The following ZNF778 variants were observed in gnomAD, a reference collection of about 807,000 sequenced individuals.
ZNF778 encodes the protein zinc finger protein 778.
Under a neutral mutation model 23.9 loss-of-function variants are expected in ZNF778, and 37 were observed. The observed-to-expected ratio is 1.54, with a 90% CI of 1.19 to 2.03. The LOEUF (loss-of-function observed/expected upper bound fraction) is 2.03. Ranked by LOEUF, ZNF778 falls within the 30% of genes most tolerant of loss-of-function variation. The pLI, the probability that ZNF778 is intolerant of heterozygous loss-of-function variation, is 0.00. For synonymous variants in ZNF778, 483 were observed against 343.9 expected, an observed-to-expected ratio of 1.40 and a Z score of -4.48; for missense variants, 1,297 against 934.4, an observed-to-expected ratio of 1.39 and a Z score of -5.06.
chr16:89,223,318 A>C (rs756498509), intron 4 of ZNF778, 35 bp downstream of exon 4: 1 of 1,612,368 alleles, frequency 6.2e-7, no homozygotes, highest in Admixed American at 1.7e-5. Context: ...ACTTCTGTGG[A>C]ACCAATACTT....
chr16:89,225,665 A>G, intron 6 of ZNF778, 34 bp downstream of exon 6: 3 of 1,561,930 alleles, frequency 1.9e-6, no homozygotes, highest in Non-Finnish European at 2.6e-6. Context: ...TTTATTTATC[A>G]CACTCATAAA....
In ZNF778 at chr16:89,234,503, G is replaced by C. The variant is rs1263915521; in HGVS notation, c.*5941G>C. ...ACCTGGTCTTGTTTTTTCCTGGTTTGTTTGATCTTTGTTCTTTTTTAGAAA... is the reference window on the plus strand; with the variant it reads ...ACCTGGTCTTGTTTTTTCCTGGTTTCTTTGATCTTTGTTCTTTTTTAGAAA... On this transcript the variant is annotated 3_prime_UTR_variant, in exon 7 of 7. Transcript: ENST00000433976. 1.7e-5 allele frequency: 3 copies of C among 176,440 alleles called. No homozygotes were observed. The highest frequency in any genetic ancestry group is 4.8e-5 in the African/African-American group (2 of 41,736). 10.9% of individuals were successfully genotyped at this position (176,440 alleles called of 1,614,324 possible).
Position 89,221,065 on chromosome 16 carries a change from C to G in ZNF778, c.-63C>G, listed in dbSNP as rs972675838. The G allele has an allele frequency of 4.5e-5, 69 of 1,543,972 alleles. No homozygotes were observed. The highest frequency in any genetic ancestry group is 2.4e-5 in the East Asian group (1 of 41,062). On this transcript the variant is annotated 5_prime_UTR_variant, in exon 2 of 7. Coordinates refer to ENST00000433976, the MANE Select transcript of ZNF778 (RefSeq NM_001201407.2). ...TGTACCTTCCACATAGATTCACAAG[C>G]TGCCCTGCAGTGGCCTTGGCTTCAG...
chr16:89,229,305 G>C lies in ZNF778; in HGVS notation c.*743G>C. ...GTCTTGAGGATCCAGATGTGATTCT[G>C]TGAGCAGTGTAAGCTCTGGTTGGTT... On this transcript the variant is annotated 3_prime_UTR_variant, in exon 7 of 7. Coordinates refer to ENST00000433976, the MANE Select transcript of ZNF778 (RefSeq NM_001201407.2). The C allele has an allele frequency of 2.0e-6, 2 of 985,308 alleles. No individual in the cohort carries two copies. The highest frequency in any genetic ancestry group is 2.4e-6 in the Non-Finnish European group (2 of 829,990). 61.0% of individuals were successfully genotyped at this position (985,308 alleles called of 1,614,324 possible). A position where few individuals can be genotyped will look rare whatever the true frequency, so the allele number is the denominator to read the frequency against.
chr16:89,218,777 C>T (rs1420942485), intron 1 of ZNF778, among the ~76,000 whole-genome samples: 1 of 151,062 alleles, frequency 6.6e-6, no homozygotes, highest in East Asian at 2.0e-4. Context: ...GGCGACAGAG[C>T]GAGACTCCGT....
In ZNF778 at chr16:89,225,609, G is replaced by C. The variant is rs772145177; in HGVS notation, c.383G>C (p.Arg128Thr). Residue 128 changes from arginine (R) to threonine (T), a missense_variant, in exon 6 of 7, where the codon AGA (arginine) becomes ACA (threonine). By Grantham distance (71) the Arg-to-Thr change is moderately conservative (BLOSUM62 -1). Transcript: ENST00000433976. ...PALRQDRSWF[R>T]ASNETQTARS... ...CTTCGGCAGGATAGATCTTGGTTCA[G>C]AGCATCAAATGAGACACAGACGGTA... 8.1e-6 allele frequency: 13 copies of C among 1,612,538 alleles called. No homozygotes were observed. The South Asian group carries it at 1.2e-4, about 15-fold the overall frequency.
chr16:89,218,572 ACGAGG>A (rs2030588167), intron 1 of ZNF778, among the ~76,000 whole-genome samples: 2 of 151,388 alleles, frequency 1.3e-5, no homozygotes, highest in East Asian at 2.0e-4. Context: ...CGGGTGGATC[ACGAGG>A]TCAGGAGACC....
Position 89,230,164 on chromosome 16 carries a change from T to C in ZNF778, c.*1602T>C. ...AGCTCTACATTTTATGAAAATGCCCTTGTTCCTCTCCCATACCTGATCCCT... is the reference window on the plus strand; with the variant it reads ...AGCTCTACATTTTATGAAAATGCCCCTGTTCCTCTCCCATACCTGATCCCT... On this transcript the variant is annotated 3_prime_UTR_variant, in exon 7 of 7. Coordinates refer to ENST00000433976, the MANE Select transcript of ZNF778 (RefSeq NM_001201407.2). 1 of 562,244 alleles carries C rather than the reference T, an allele frequency of 1.8e-6. No homozygotes were observed. The highest frequency in any genetic ancestry group is 2.2e-6 in the Non-Finnish European group (1 of 444,626). The allele number at this position is 562,244 out of a possible 1,614,324, so 34.8% of individuals were successfully genotyped here.
At chr16:89,223,306 C>T in intron 4 of ZNF778, 23 bp downstream of exon 4, 1 of 1,613,052 alleles carries the variant, frequency 6.2e-7, no homozygotes, top group Non-Finnish European at 8.5e-7. Context: ...CCGTCCTTTG[C>T]AACTTCTGTG....
Position 89,233,708 on chromosome 16 carries a change from C to T in ZNF778, c.*5146C>T, listed in dbSNP as rs1470208926. ...TCAACTTACTGCATATGCAACTCAA[C>T]TCACTGCGTATGCAACTCAACTCGC... On this transcript the variant is annotated 3_prime_UTR_variant, in exon 7 of 7. Transcript: ENST00000433976. The T allele has an allele frequency of 5.1e-5, 64 of 1,251,428 alleles. No homozygotes were observed. The highest frequency in any genetic ancestry group is 6.4e-5 in the Non-Finnish European group (62 of 962,050). 77.5% of individuals were successfully genotyped at this position (1,251,428 alleles called of 1,614,324 possible).
rs1047924753 is a variant in ZNF778 at position 89,231,799 on chromosome 16, G to C, written c.*3237G>C. 1 of 152,190 alleles carries C rather than the reference G, an allele frequency of 6.6e-6. No homozygotes were observed. The highest frequency in any genetic ancestry group is 2.4e-5 in the African/African-American group (1 of 41,420). The allele number at this position is 152,190 out of a possible 1,614,324, so 9.4% of individuals were successfully genotyped here. ...CTCTGGGAAGGCCACTGTCTCCCCAGTGCCTTCTCCTCCGCTGCAGCTTTC... is the reference window on the plus strand; with the variant it reads ...CTCTGGGAAGGCCACTGTCTCCCCACTGCCTTCTCCTCCGCTGCAGCTTTC... On this transcript the variant is annotated 3_prime_UTR_variant, in exon 7 of 7. Transcript: ENST00000433976.
rs1567517884 is a variant in ZNF778 at position 89,234,864 on chromosome 16, C to G, written c.*6302C>G. 1 of 152,280 alleles carries G rather than the reference C, an allele frequency of 6.6e-6. No homozygotes were observed. Among genetic ancestry groups the G allele is most frequent in the Middle Eastern group, 3.4e-3 (1 of 294 alleles). The allele number at this position is 152,280 out of a possible 1,614,324, so 9.4% of individuals were successfully genotyped here. ...ATGGGAAGCACAGATTGCAGTGAAC[C>G]GAGATCGCGCCACTGCACTCCAGCC... On this transcript the variant is annotated 3_prime_UTR_variant, in exon 7 of 7. Coordinates refer to ENST00000433976, the MANE Select transcript of ZNF778 (RefSeq NM_001201407.2).
rs933679384 is a variant in ZNF778 at position 89,222,121 on chromosome 16, C to T, written c.55C>T (p.Leu19Phe). 1.2e-6 allele frequency: 2 copies of T among 1,604,278 alleles called. No homozygotes were observed. Among genetic ancestry groups the T allele is most frequent in the African/African-American group, 2.7e-5 (2 of 74,596 alleles). ...TCATGTTTCTAGGGACTCAGTCTGC[C>T]TTCATGAAGAACAGACACAGGCAGC... ...GGHVSRDSVC[L>F]HEEQTQAAGM... is the part of the protein sequence containing the mutation. Residue 19 changes from leucine (L) to phenylalanine (F), a missense_variant, in exon 3 of 7, where the codon CTT (leucine) becomes TTT (phenylalanine). Leu to Phe is a conservative substitution (Grantham distance 22). Transcript: ENST00000433976.
At position 89,233,505 on chromosome 16, in the gene ZNF778, G is replaced by A. The variant is rs1335966281; in HGVS notation, c.*4943G>A. On this transcript the variant is annotated 3_prime_UTR_variant, in exon 7 of 7. Coordinates refer to ENST00000433976, the MANE Select transcript of ZNF778 (RefSeq NM_001201407.2). ...TCACACTGCGTATGCAACTCAGCTTGCTCTGTGTATGCAACTCAACTCGCA... is the reference window on the plus strand; with the variant it reads ...TCACACTGCGTATGCAACTCAGCTTACTCTGTGTATGCAACTCAACTCGCA... The A allele has an allele frequency of 2.4e-6, 3 of 1,266,912 alleles. No individual in the cohort carries two copies. The highest frequency in any genetic ancestry group is 1.2e-4 in the East Asian group (2 of 17,334). 78.5% of individuals were successfully genotyped at this position (1,266,912 alleles called of 1,614,324 possible).
rs1334806009 is a variant in ZNF778, at chr16:89,232,769, C to T, written c.*4207C>T. ...TTGCTGGAAACATGCACTGCATATA[C>T]AAATCAACTCACTGCATATGCACAT... is the stretch of plus-strand genomic sequence containing the variant. On this transcript the variant is annotated 3_prime_UTR_variant, in exon 7 of 7. Coordinates refer to ENST00000433976, the MANE Select transcript of ZNF778 (RefSeq NM_001201407.2). 7.8e-7 allele frequency: 1 copy of T among 1,287,762 alleles called. No individual in the cohort carries two copies. Among genetic ancestry groups the T allele is most frequent in the Non-Finnish European group, 1.0e-6 (1 of 988,122 alleles). The allele number at this position is 1,287,762 out of a possible 1,614,324, so 79.8% of individuals were successfully genotyped here.
Position 89,228,222 on chromosome 16 carries a change from A to C in ZNF778, c.1934A>C (p.Tyr645Ser). 6.2e-7 allele frequency: 1 copy of C among 1,613,488 alleles called. No homozygotes were observed. ...HIRTHTGEKP[Y>S]ICKECGKAFA... ...AGAACCCACACCGGTGAGAAACCCT[A>C]CATATGTAAGGAGTGTGGGAAAGCC... The change falls in exon 7 of 7, where the codon TAC becomes TCC. Residue 645 changes from tyrosine (Y) to serine (S), a missense_variant. By Grantham distance (144) the Tyr-to-Ser change is moderately radical. Coordinates refer to ENST00000433976, the MANE Select transcript of ZNF778 (RefSeq NM_001201407.2).
At chr16:89,225,426 A>G (rs1371386654) in intron 5 of ZNF778, 129 bp from the exon 6 acceptor site, 5 of 681,842 alleles carry the variant, frequency 7.3e-6, no homozygotes, top group Non-Finnish European at 1.2e-5. Context: ...AGTTCCTATG[A>G]TTCCAAATTT....
At chr16:89,222,353 C>A (rs1301269323) in intron 3 of ZNF778, among the ~76,000 whole-genome samples, 170 bp downstream of exon 3, 1 of 152,138 alleles carries the variant, frequency 6.6e-6, no homozygotes, top group African/African-American at 2.4e-5. Flanking sequence ...GAAAATCCTC[C>A]CCGTATTTCA....
rs1199412373 is a variant in ZNF778 at position 89,229,189 on chromosome 16, A to G, written c.*627A>G. On this transcript the variant is annotated 3_prime_UTR_variant, in exon 7 of 7. Transcript: ENST00000433976. ...CTAACAGTAGGCCTTGAGGACTCAGATGTGATCCTGTGTGAGCAGTGTAGG... is the reference window on the plus strand; with the variant it reads ...CTAACAGTAGGCCTTGAGGACTCAGGTGTGATCCTGTGTGAGCAGTGTAGG... 11 of 985,868 alleles carry G rather than the reference A, an allele frequency of 1.1e-5. No homozygotes were observed. Among genetic ancestry groups the G allele is most frequent in the Non-Finnish European group, 1.3e-5 (11 of 830,256 alleles). The allele number at this position is 985,868 out of a possible 1,614,324, so 61.1% of individuals were successfully genotyped here.
Sources: gnomAD v4.1 joint callset for allele counts (sites outside exome capture counted in the v4.1 genomes callset) on GRCh38, gnomAD v4.1.1 for gene constraint, MANE v1.5 for transcripts, NCBI Gene and HGNC (gene_info 2026-07-23, HGNC 2026-07-21) for gene names.